Variants in MYT1L observed in about 807,000 individuals in gnomAD.
The protein encoded by MYT1L is myelin transcription factor 1-like protein.
Under a neutral mutation model 126.7 loss-of-function variants are expected in MYT1L, and 12 were observed. The observed-to-expected ratio is 0.09, with a 90% confidence interval of 0.06 to 0.15. MYT1L has a LOEUF of 0.15. Ranked by LOEUF, MYT1L falls within the 10% of genes least tolerant of loss-of-function variation. MYT1L has a pLI of 1.00. For synonymous variants in MYT1L, 541 were observed against 604.2 expected (o/e 0.90, Z 1.53); for missense variants, 979 against 1,585.2 (o/e 0.62, Z 6.49).
At chr2:2,141,758 T>C (rs1230200712) in intron 3 of MYT1L, among the ~76,000 whole-genome samples, 1 of 152,178 alleles carries the variant, frequency 6.6e-6, no homozygotes, top group Non-Finnish European at 1.5e-5. Context: ...GAATAAGCTG[T>C]AGAGAAAGTT....
intron 3 of MYT1L, among the ~76,000 whole-genome samples, chr2:2,113,501 C>T (rs552069695): frequency 6.6e-6 from 1 of 152,300 alleles, no homozygotes; most frequent in East Asian, 1.9e-4. Flanking sequence ...CCACTGCATG[C>T]AGGGATTTCC....
At position 1,943,347 on chromosome 2, in the gene MYT1L, A is replaced by G; in HGVS notation, c.153-13T>C. ...ACAACCATATACACTAATTAAAAAA[A>G]TAGAGAAGGCAGGGGAGAGAGAGAA... is the stretch of plus-strand genomic sequence containing the variant. On this transcript the variant is annotated splice_polypyrimidine_tract_variant and intron_variant, in intron 8 of 24. Transcript: ENST00000647738. The surrounding 1 kb of genome is among the most constrained non-coding windows in gnomAD (Gnocchi z 4.4). The G allele has an allele frequency of 6.5e-7, 1 of 1,534,594 alleles. No homozygotes were observed. Among genetic ancestry groups the G allele is most frequent in the South Asian group, 1.3e-5 (1 of 78,834 alleles).
chr2:2,277,273 A>G (rs1291874512), intron 2 of MYT1L, among the ~76,000 whole-genome samples: 1 of 152,040 alleles, frequency 6.6e-6, no homozygotes, highest in Non-Finnish European at 1.5e-5. Context: ...CCTGGCCCCG[A>G]TTGATTCTTA....
intron 21 of MYT1L, among the ~76,000 whole-genome samples, chr2:1,826,343 A>C (rs1022713066): frequency 6.6e-6 from 1 of 152,040 alleles, no homozygotes; most frequent in Non-Finnish European, 1.5e-5. Context: ...CATCTGCTGA[A>C]TGCTTGCCAG....
At chr2:2,058,233 G>T (rs550043324) in intron 3 of MYT1L, among the ~76,000 whole-genome samples, 1 of 152,280 alleles carries the variant, frequency 6.6e-6, no homozygotes, top group South Asian at 2.1e-4. Flanking sequence ...CATCTTTAGT[G>T]AACTATCTGC....
At chr2:1,989,903 C>G (rs906252890) in intron 5 of MYT1L, among the ~76,000 whole-genome samples, 3 of 152,130 alleles carry the variant, frequency 2.0e-5, no homozygotes, top group African/African-American at 7.2e-5. Flanking sequence ...GAGGCTGAGA[C>G]AGGAGAATTG....
chr2:1,829,873 A>C (rs1389822137), intron 21 of MYT1L, among the ~76,000 whole-genome samples: 6 of 152,204 alleles, frequency 3.9e-5, no homozygotes, highest in Admixed American at 1.3e-4. Flanking sequence ...GGCAGGCCCT[A>C]GGTTCCTCAC....
intron 2 of MYT1L, among the ~76,000 whole-genome samples, chr2:2,254,723 T>G (rs2094759639): frequency 1.3e-5 from 2 of 152,208 alleles, no homozygotes; most frequent in Non-Finnish European, 2.9e-5. Context: ...TTTTTTCTAA[T>G]GAAAGTGCTT....
intron 2 of MYT1L, among the ~76,000 whole-genome samples, chr2:2,199,359 C>T (rs560757133): frequency 1.3e-5 from 2 of 152,330 alleles, no homozygotes; most frequent in South Asian, 4.1e-4. Flanking sequence ...TTGGGCACTG[C>T]CTTCTTGCCG....
chr2:1,807,908 T>C (rs183398201), intron 22 of MYT1L, among the ~76,000 whole-genome samples: 10 of 152,290 alleles, frequency 6.6e-5, no homozygotes, highest in Admixed American at 5.9e-4. Flanking sequence ...GGGAGGGACC[T>C]GGTGGGAGGT....
At chr2:1,911,317 A>G (rs1274166187) in intron 12 of MYT1L, among the ~76,000 whole-genome samples, 1 of 152,226 alleles carries the variant, frequency 6.6e-6, no homozygotes, top group African/African-American at 2.4e-5. Context: ...ATACAATTTT[A>G]CGTGAACTCA....
At chr2:1,847,166 G>A (rs2042610832) in intron 19 of MYT1L, among the ~76,000 whole-genome samples, 2 of 152,186 alleles carry the variant, frequency 1.3e-5, no homozygotes, top group South Asian at 2.1e-4. Context: ...CTGACAAGAC[G>A]GGCAGCTGAG....
chr2:2,259,361 A>T (rs2094899534), intron 2 of MYT1L, among the ~76,000 whole-genome samples: 1 of 138,564 alleles, frequency 7.2e-6, no homozygotes, highest in Non-Finnish European at 1.5e-5. Context: ...AACCTGCACA[A>T]TGTGCACATG....
At chr2:1,856,812 C>A (rs1234806860) in intron 18 of MYT1L, among the ~76,000 whole-genome samples, 1 of 152,212 alleles carries the variant, frequency 6.6e-6, no homozygotes, top group Admixed American at 6.5e-5. Context: ...CACAGTACAG[C>A]ACATTTTACT....
chr2:2,050,884 C>A (rs1359229843), intron 4 of MYT1L, among the ~76,000 whole-genome samples: 1 of 152,068 alleles, frequency 6.6e-6, no homozygotes, highest in Non-Finnish European at 1.5e-5. Context: ...TTCCTGGAGT[C>A]TACAGTTGGA....
At chr2:1,869,546 G>T (rs1025833794) in intron 18 of MYT1L, among the ~76,000 whole-genome samples, 2 of 152,228 alleles carry the variant, frequency 1.3e-5, no homozygotes, top group African/African-American at 4.8e-5. Flanking sequence ...AAGATGATGA[G>T]AACGCCCTGG....
chr2:1,876,049 G>A (rs964928646), intron 18 of MYT1L, among the ~76,000 whole-genome samples: 2 of 152,166 alleles, frequency 1.3e-5, no homozygotes, highest in Non-Finnish European at 1.5e-5. Flanking sequence ...GCACATCTGC[G>A]GTGAGGTTGA....
chr2:1,809,028 C>G (rs2036164446), intron 22 of MYT1L, 48 bp downstream of exon 22: 1 of 1,566,072 alleles, frequency 6.4e-7, no homozygotes, highest in Non-Finnish European at 8.8e-7. Context: ...GCCGTGCCCG[C>G]TGGGCCTTCC....
intron 4 of MYT1L, among the ~76,000 whole-genome samples, chr2:2,027,540 A>G (rs1401823869): frequency 6.6e-6 from 1 of 152,236 alleles, no homozygotes; most frequent in Non-Finnish European, 1.5e-5. Context: ...TCAAGATTAC[A>G]CAACAAAATT....
Sources: allele counts gnomAD v4.1 joint callset (sites outside exome capture counted in the v4.1 genomes callset), GRCh38; gene constraint gnomAD v4.1.1; non-coding constraint Gnocchi (gnomAD v3.1); transcripts MANE v1.5; gene names NCBI Gene and HGNC (gene_info 2026-07-23, HGNC 2026-07-21).